Variants in HERC2 observed in about 807,000 individuals in gnomAD.
HERC2 encodes the protein E3 ubiquitin-protein ligase HERC2.
HERC2 carries 102 observed loss-of-function variants against 537.7 expected under a neutral mutation model. That is an observed-to-expected ratio of 0.19 (90% CI 0.16 to 0.22). HERC2 has a LOEUF of 0.22. HERC2 is among the 10% of genes least tolerant of loss of function. The pLI, the probability that HERC2 is intolerant of heterozygous loss-of-function variation, is 1.00. For missense variants in HERC2, 4,236 were observed against 6,198.2 expected, an observed-to-expected ratio of 0.68 and a Z score of 10.63; for synonymous variants, 2,224 against 2,466.2, an observed-to-expected ratio of 0.90 and a Z score of 2.91.
intron 40 of HERC2, among the ~76,000 whole-genome samples, 173 bp downstream of exon 40, chr15:28,214,482 G>A (rs937841309): frequency 2.6e-5 from 4 of 150,982 alleles, no homozygotes; most frequent in East Asian, 3.9e-4. Context: ...TCTGAGTGAC[G>A]GCAGTACACC....
In HERC2 at chr15:28,146,264, C is replaced by G. The variant is rs368367299; in HGVS notation, c.10981G>C (p.Val3661Leu). Residue 3661 changes from valine to leucine, a missense_variant, in exon 71 of 93, where the codon GTC becomes CTC. Val to Leu is a conservative substitution (Grantham distance 32). Around this residue, in one of 27 missense-constraint regions of HERC2, gnomAD observed 356 missense variants for 450.9 expected, o/e 0.79. Coordinates refer to ENST00000261609, the MANE Select transcript of HERC2 (RefSeq NM_004667.6). ...RHDPLTVMDG[V>L]NRIVSVRSGR... is the part of the protein sequence containing the mutation. ...GACCGCACGGAGACGATCCTGTTGA[C>G]GCCGTCCATGACTGTGAGAGGGTCG... The G allele has an allele frequency of 6.2e-7, 1 of 1,613,956 alleles. No individual in the cohort carries two copies. Among genetic ancestry groups the G allele is most frequent in the Admixed American group, 1.7e-5 (1 of 60,004 alleles).
intron 2 of HERC2, among the ~76,000 whole-genome samples, chr15:28,303,637 G>A (rs2076695719): frequency 1.3e-5 from 2 of 152,058 alleles, no homozygotes; most frequent in South Asian, 4.1e-4. Context: ...GATTGCTTTG[G>A]GTAGTACAGA....
In HERC2 at chr15:28,122,172, A is replaced by G. The variant is rs1888983543; in HGVS notation, c.13189-743T>C. 6.6e-6 allele frequency among the ~76,000 whole-genome samples: 1 copy of G among 152,216 alleles called. No individual in the cohort carries two copies. The highest frequency in any genetic ancestry group is 6.5e-5 in the Admixed American group (1 of 15,288). ...AAGAAATCGGGAGTGCCTGGGGTGAAGACAGCAGGGCGTGGCCAAACATCA... is the reference window on the plus strand; with the variant it reads ...AAGAAATCGGGAGTGCCTGGGGTGAGGACAGCAGGGCGTGGCCAAACATCA... On this transcript the variant is annotated intron_variant, in intron 85 of 92. Coordinates refer to ENST00000261609, the MANE Select transcript of HERC2 (RefSeq NM_004667.6). The surrounding 1 kb of genome is among the most constrained non-coding windows in gnomAD (Gnocchi z 4.1).
intron 19 of HERC2, 68 bp from the exon 20 acceptor site, chr15:28,254,586 C>G: frequency 8.9e-7 from 1 of 1,124,638 alleles, no homozygotes; most frequent in Non-Finnish European, 1.3e-6. Context: ...CACAGGCTGG[C>G]TGAGCCCTAA....
At chr15:28,248,303 C>T (rs1435322871) in intron 21 of HERC2, among the ~76,000 whole-genome samples, 1 of 152,158 alleles carries the variant, frequency 6.6e-6, no homozygotes, top group Non-Finnish European at 1.5e-5. Context: ...TAAGACTAAA[C>T]TGAACATACA....
intron 20 of HERC2, among the ~76,000 whole-genome samples, chr15:28,250,989 T>C (rs542529370): frequency 1.3e-5 from 2 of 152,300 alleles, no homozygotes; most frequent in Non-Finnish European, 2.9e-5. Context: ...AAATCTGCTG[T>C]AGAACCAATG....
intron 78 of HERC2, among the ~76,000 whole-genome samples, chr15:28,137,970 T>C (rs1890818761): frequency 1.3e-5 from 2 of 152,354 alleles, no homozygotes; most frequent in African/African-American, 4.8e-5. Context: ...AACAGTCTTA[T>C]TGCTGATATA....
intron 69 of HERC2, among the ~76,000 whole-genome samples, chr15:28,162,621 T>G (rs890774099): frequency 3.9e-5 from 6 of 152,030 alleles, no homozygotes; most frequent in African/African-American, 1.2e-4. Context: ...CCAGGTTTGG[T>G]GCTCACTCCT....
At chr15:28,117,855 G>A in intron 86 of HERC2, 1 of 322,926 alleles carries the variant, frequency 3.1e-6, no homozygotes, top group South Asian at 2.6e-5. Flanking sequence ...CGCCGCAGCA[G>A]GACCTCGGCA....
At position 28,132,639 on chromosome 15, in the gene HERC2, C is replaced by A; in HGVS notation, c.12408+14G>T. 16 of 1,471,530 alleles carry A rather than the reference C, an allele frequency of 1.1e-5. No individual in the cohort carries two copies. The highest frequency in any genetic ancestry group is 1.4e-5 in the Non-Finnish European group (16 of 1,105,276). The allele number at this position is 1,471,530 out of a possible 1,614,324, so 91.2% of individuals were successfully genotyped here. A position where few individuals can be genotyped will look rare whatever the true frequency, so the allele number is the denominator to read the frequency against. ...GCATGCAGCCTCCGGCCTCTGCACACGGCGCCTCCTCACCAGCTTCGGCTT... is the reference window on the plus strand; with the variant it reads ...GCATGCAGCCTCCGGCCTCTGCACAAGGCGCCTCCTCACCAGCTTCGGCTT... On this transcript the variant is annotated intron_variant, in intron 80 of 92. Coordinates refer to ENST00000261609, the MANE Select transcript of HERC2 (RefSeq NM_004667.6).
intron 5 of HERC2, among the ~76,000 whole-genome samples, chr15:28,277,654 C>T (rs894057224): frequency 5.9e-5 from 9 of 152,164 alleles, no homozygotes; most frequent in African/African-American, 1.9e-4. Context: ...AGTGCTTGGA[C>T]AATCTTAGCA....
At chr15:28,210,426 G>A (rs1254010960) in intron 44 of HERC2, among the ~76,000 whole-genome samples, 1 of 152,226 alleles carries the variant, frequency 6.6e-6, no homozygotes, top group African/African-American at 2.4e-5. Context: ...ATGAGCCATT[G>A]TGCCCGGCTG....
rs750563411 is a variant in HERC2, at chr15:28,208,968, A to G, written c.7069+2034T>C. ...GAAAAGACTTAGCATAATGTCTTTC[A>G]ATAGCAGGAGATCAAAAAATGTTTT... On this transcript the variant is annotated intron_variant, in intron 44 of 92. Transcript: ENST00000261609. Among the ~76,000 whole-genome samples, 12 of 152,246 alleles carry G rather than the reference A, an allele frequency of 7.9e-5. 1 individual carries two copies. Among genetic ancestry groups the G allele is most frequent in the Non-Finnish European group, 1.3e-4 (9 of 68,048 alleles).
intron 26 of HERC2, among the ~76,000 whole-genome samples, chr15:28,236,580 T>C (rs1180066851): frequency 6.6e-6 from 1 of 151,704 alleles, no homozygotes; most frequent in African/African-American, 2.4e-5. Context: ...CATGAGCCAC[T>C]GCCTGGCTAT....
intron 23 of HERC2, among the ~76,000 whole-genome samples, chr15:28,240,375 G>A (rs748775184): frequency 1.3e-5 from 2 of 152,118 alleles, no homozygotes; most frequent in African/African-American, 2.4e-5. Flanking sequence ...CTGAGATCAC[G>A]TCACTACACT....
At chr15:28,139,331 C>A (rs1356554999) in intron 78 of HERC2, among the ~76,000 whole-genome samples, 2 of 152,218 alleles carry the variant, frequency 1.3e-5, no homozygotes, top group African/African-American at 2.4e-5. Flanking sequence ...CCCTCCTGCG[C>A]CTCCCTTGCT....
At chr15:28,155,610 G>T (rs538987858) in intron 69 of HERC2, among the ~76,000 whole-genome samples, 3,059 of 137,942 alleles carry the variant, frequency 0.022, 299 homozygotes, top group African/African-American at 0.1. Flanking sequence ...TGTTGATGGG[G>T]TTGTTTTTTT....
intron 86 of HERC2, 56 bp from the exon 87 acceptor site, chr15:28,117,210 G>A (rs758347577): frequency 1.3e-6 from 2 of 1,566,304 alleles, no homozygotes; most frequent in Admixed American, 1.7e-5. Context: ...GAAGCACACA[G>A]TCGGGGATAT....
At chr15:28,201,317 C>G (rs1897883252) in intron 48 of HERC2, 139 bp downstream of exon 48, 2 of 643,902 alleles carry the variant, frequency 3.1e-6, no homozygotes, top group South Asian at 1.9e-5. Flanking sequence ...GCTCACTGGT[C>G]AGGTATGTCT....
Sources: allele counts gnomAD v4.1 joint callset (sites outside exome capture counted in the v4.1 genomes callset), GRCh38; gene constraint gnomAD v4.1.1; regional missense constraint gnomAD v4.1.1; non-coding constraint Gnocchi (gnomAD v3.1); transcripts MANE v1.5; gene names NCBI Gene and HGNC (gene_info 2026-07-23, HGNC 2026-07-21).